Variants in ARHGAP45 observed in about 807,000 individuals in gnomAD.
The protein encoded by ARHGAP45 is Rho GTPase activating protein 45, also known as rho GTPase-activating protein 45.
A neutral mutation model predicts 116.1 loss-of-function variants in ARHGAP45; 56 were observed. The ratio of observed to expected loss-of-function variants is 0.48; its 90% CI spans 0.39 to 0.60. The LOEUF (loss-of-function observed/expected upper bound fraction) is 0.60. Ranked by LOEUF, ARHGAP45 falls within the 20% of genes least tolerant of loss-of-function variation. The probability of loss-of-function intolerance (pLI) is 0.00; values close to 1 mark genes in which losing one functional copy is unlikely to be tolerated. For synonymous variants in ARHGAP45, 866 were observed against 701.7 expected (o/e 1.23, Z -3.70); for missense variants, 1,622 against 1,601.0 (o/e 1.01, Z -0.22).
Position 1,067,466 on chromosome 19 carries a change from G to A in ARHGAP45, c.61G>A (p.Ala21Thr), listed in dbSNP as rs1345355510. 6.2e-7 allele frequency: 1 copy of A among 1,605,590 alleles called. No homozygotes were observed. The highest frequency in any genetic ancestry group is 1.3e-5 in the African/African-American group (1 of 74,722). The change falls in exon 1 of 23, where the codon GCG becomes ACG. Residue 21 changes from alanine (A) to threonine (T), a missense_variant. By Grantham distance (58) the Ala-to-Thr change is moderately conservative. This residue lies in a region of ARHGAP45 where 279 missense variants were observed against 311.9 expected (regional missense o/e 0.89). Coordinates refer to ENST00000313093, the MANE Select transcript of ARHGAP45 (RefSeq NM_012292.5). The stretch of plus-strand genomic sequence containing the variant: ...CCCTTCCATCTCGAAAAAGAACCGC[G>A]CGGGAAGCCCCAGCCCGCAGCCCTC... ...KTPSISKKNRAGSPSPQPSGE... is the reference protein window; with the variant it reads ...KTPSISKKNRTGSPSPQPSGE...
At chr19:1,081,313 C>T in intron 17 of ARHGAP45, 1 of 639,894 alleles carries the variant, frequency 1.6e-6, no homozygotes. Flanking sequence ...GCCAGAAGAC[C>T]TGGAGGGCAA....
At chr19:1,075,351 TCTC>T (rs544842969) in intron 10 of ARHGAP45, among the ~76,000 whole-genome samples, 59 of 149,850 alleles carry the variant, frequency 3.9e-4, no homozygotes, top group African/African-American at 1.5e-3. Context: ...TTCAAACAAT[TCTC>T]CTGTCGCAGC....
chr19:1,079,251 A>C (rs2043353476), intron 11 of ARHGAP45, among the ~76,000 whole-genome samples: 1 of 151,664 alleles, frequency 6.6e-6, no homozygotes, highest in Non-Finnish European at 1.5e-5. Context: ...CTGTAATCCC[A>C]GCCCTTTGGG....
At position 1,069,221 on chromosome 19, in the gene ARHGAP45, G is replaced by T. The variant is rs927982250; in HGVS notation, c.421+477G>T. On this transcript the variant is annotated intron_variant, in intron 2 of 22. Transcript: ENST00000313093. The surrounding 1 kb of genome is among the most constrained non-coding windows in gnomAD (Gnocchi z 4.1). Reference sequence around the variant, plus strand: ...GTTGGCTGAGGTCTGGGTGGAGAGAGATTCAGGAGGCATGGCGAGGGGCAG... The same window carrying T: ...GTTGGCTGAGGTCTGGGTGGAGAGATATTCAGGAGGCATGGCGAGGGGCAG... 6.6e-6 allele frequency among the ~76,000 whole-genome samples: 1 copy of T among 152,158 alleles called. No homozygotes were observed. The highest frequency in any genetic ancestry group is 6.5e-5 in the Admixed American group (1 of 15,280).
At position 1,074,683 on chromosome 19, in the gene ARHGAP45, G is replaced by T; in HGVS notation, c.1063G>T (p.Val355Leu). 6.2e-7 allele frequency: 1 copy of T among 1,611,058 alleles called. No individual in the cohort carries two copies. The highest frequency in any genetic ancestry group is 8.5e-7 in the Non-Finnish European group (1 of 1,179,400). Reference protein sequence around the residue: ...EQDLEFGHSMVQAVGTLQTQT... With the variant: ...EQDLEFGHSMLQAVGTLQTQT... ...GGACCTGGAGTTCGGCCACAGCATG[G>T]TGCAGGCGGTGGGCACCTTGCAGAC... is the stretch of plus-strand genomic sequence containing the variant. The change falls in exon 9 of 23, where the codon GTG (valine) becomes TTG (leucine). Residue 355 changes from valine to leucine, a missense_variant. Around this residue, in one of 3 missense-constraint regions of ARHGAP45, gnomAD observed 1,334 missense variants for 1,263.8 expected, o/e 1.06. Transcript: ENST00000313093.
intron 2 of ARHGAP45, among the ~76,000 whole-genome samples, chr19:1,070,142 C>T (rs1270120001): frequency 6.6e-6 from 1 of 151,400 alleles, no homozygotes; most frequent in South Asian, 2.1e-4. Flanking sequence ...ACTACAGGTG[C>T]GTGCCACCAC....
chr19:1,086,437 G>A lies in ARHGAP45; in HGVS notation c.*431G>A, dbSNP rs1392073357. 6 of 176,412 alleles carry A rather than the reference G, an allele frequency of 3.4e-5. No individual in the cohort carries two copies. The East Asian group carries it at 7.9e-4, about 23-fold the overall frequency. 10.9% of individuals were successfully genotyped at this position (176,412 alleles called of 1,614,324 possible). On this transcript the variant is annotated 3_prime_UTR_variant, in exon 23 of 23. Transcript: ENST00000313093. ...ACCATTCTGGGAGCCGTGGATGGGG[G>A]CGGAGCTGGGGTTTGGTGCAGTTTC...
chr19:1,085,595 CCT>C (rs2043601706), intron 22 of ARHGAP45, 63 bp from the exon 23 acceptor site: 12 of 1,232,818 alleles, frequency 9.7e-6, no homozygotes, highest in Admixed American at 2.4e-5. Flanking sequence ...CCTGTCTGTC[CCT>C]CCCCTTGTCT....
intron 9 of ARHGAP45, 21 bp downstream of exon 9, chr19:1,074,745 C>T (rs1403610746): frequency 2.4e-6 from 3 of 1,246,310 alleles, no homozygotes; most frequent in Non-Finnish European, 2.2e-6. Flanking sequence ...CCCGGGAGGG[C>T]GGGCTGGGCG....
chr19:1,073,096 C>A, intron 2 of ARHGAP45, 53 bp from the exon 3 acceptor site: 1 of 1,548,132 alleles, frequency 6.5e-7, no homozygotes, highest in Non-Finnish European at 8.7e-7. Context: ...GGTGGACAGA[C>A]TTTCCCTGGG....
At chr19:1,073,437 G>A in intron 3 of ARHGAP45, 69 bp from the exon 4 acceptor site, 1 of 1,574,158 alleles carries the variant, frequency 6.4e-7, no homozygotes, top group Non-Finnish European at 8.7e-7. Context: ...AAGGGCTCCG[G>A]TCAGTTCTTG....
intron 17 of ARHGAP45, 103 bp from the exon 18 acceptor site, chr19:1,081,447 G>T: frequency 8.5e-7 from 1 of 1,172,620 alleles, no homozygotes; most frequent in South Asian, 1.7e-5. Flanking sequence ...AGAAGCTGCC[G>T]TGTGGGGGCT....
In ARHGAP45 at chr19:1,068,764, C is replaced by T. The variant is rs770340649; in HGVS notation, c.421+20C>T. Reference sequence around the variant, plus strand: ...GTGACGGTGAGAGCCACGGGGACACCGAGGCCTGGGTGGAAGACAGAGCCA... The same window carrying T: ...GTGACGGTGAGAGCCACGGGGACACTGAGGCCTGGGTGGAAGACAGAGCCA... On this transcript the variant is annotated intron_variant, in intron 2 of 22. Coordinates refer to ENST00000313093, the MANE Select transcript of ARHGAP45 (RefSeq NM_012292.5). This position sits in a 1 kb window ranked among gnomAD's most constrained non-coding sequence, Gnocchi z 7.5. 5.6e-6 allele frequency: 9 copies of T among 1,604,110 alleles called. No homozygotes were observed. Among genetic ancestry groups the T allele is most frequent in the Admixed American group, 1.7e-5 (1 of 59,706 alleles).
intron 21 of ARHGAP45, 131 bp downstream of exon 21, chr19:1,083,484 G>A (rs1222729630): frequency 5.3e-6 from 4 of 750,688 alleles, no homozygotes; most frequent in Admixed American, 5.2e-5. Context: ...AGGGCTGTTC[G>A]GGAGGCCACT....
chr19:1,066,231 A>G (rs1599744862), upstream of ARHGAP45: 3 of 781,020 alleles, frequency 3.8e-6, no homozygotes, highest in South Asian at 4.5e-5. Context: ...GGGTTCTGGA[A>G]GGGGACAGCA....
intron 11 of ARHGAP45, 22 bp from the exon 12 acceptor site, chr19:1,079,679 CTG>C (rs2043369075): frequency 1.2e-6 from 2 of 1,611,336 alleles, no homozygotes; most frequent in African/African-American, 1.3e-5. Flanking sequence ...AGGCCTCTCT[CTG>C]TGCGCCCCGC....
At chr19:1,084,163 G>A (rs2043528350) in intron 21 of ARHGAP45, 75 bp from the exon 22 acceptor site, 18 of 1,374,864 alleles carry the variant, frequency 1.3e-5, no homozygotes, top group Non-Finnish European at 1.6e-5. Flanking sequence ...TACGGGCTGT[G>A]TGGGTGGGTT....
At chr19:1,083,102 C>T (rs754474026) in intron 20 of ARHGAP45, 36 bp downstream of exon 20, 1 of 1,570,344 alleles carries the variant, frequency 6.4e-7, no homozygotes. Flanking sequence ...GGCGCGGGGT[C>T]CCGGGAGCCG....
In ARHGAP45 at chr19:1,085,935, C is replaced by A. The variant is rs762537828; in HGVS notation, c.3340C>A (p.Pro1114Thr). 2 of 1,612,946 alleles carry A rather than the reference C, an allele frequency of 1.2e-6. No individual in the cohort carries two copies. Among genetic ancestry groups the A allele is most frequent in the Admixed American group, 3.3e-5 (2 of 60,024 alleles). ...QSNNVLQAPL[P>T]PMRLRGGRMT... ...CAACAACGTGCTGCAGGCCCCACTG[C>A]CCCCCATGAGGCTCCGTGGCGGGCG... is the stretch of plus-strand genomic sequence containing the variant. Residue 1114 changes from proline (P) to threonine (T), a missense_variant, in exon 23 of 23, where the codon CCC (proline) becomes ACC (threonine). Physicochemically the swap from Pro to Thr is conservative, Grantham distance 38 (BLOSUM62 -1). Coordinates refer to ENST00000313093, the MANE Select transcript of ARHGAP45 (RefSeq NM_012292.5).
Sources: allele counts gnomAD v4.1 joint callset (sites outside exome capture counted in the v4.1 genomes callset), GRCh38; gene constraint gnomAD v4.1.1; regional missense constraint gnomAD v4.1.1; non-coding constraint Gnocchi (gnomAD v3.1); transcripts MANE v1.5; gene names NCBI Gene and HGNC (gene_info 2026-07-23, HGNC 2026-07-21).